The following LGALS8 variants were observed in gnomAD, a reference collection of about 807,000 sequenced individuals.
The protein encoded by LGALS8 is galectin-8.
Under a neutral mutation model 35.9 loss-of-function variants are expected in LGALS8, and 30 were observed. The observed-to-expected ratio is 0.83, with a 90% CI of 0.62 to 1.13. The LOEUF (loss-of-function observed/expected upper bound fraction) is 1.13. LGALS8 is among the 50% of genes most tolerant of loss of function. The pLI is 0.00. For missense variants in LGALS8, 366 were observed against 388.7 expected (o/e 0.94, Z 0.49); for synonymous variants, 138 against 136.1 (o/e 1.01, Z -0.10).
At position 236,551,033 on chromosome 1, in the gene LGALS8, T is replaced by C. The variant is rs538792739; in HGVS notation, c.*2872T>C. 65 of 1,426,068 alleles carry C rather than the reference T, an allele frequency of 4.6e-5. No individual in the cohort carries two copies. The highest frequency in any genetic ancestry group is 3.8e-4 in the Admixed American group (18 of 47,006). The allele number at this position is 1,426,068 out of a possible 1,614,324, so 88.3% of individuals were successfully genotyped here. A position where few individuals can be genotyped will look rare whatever the true frequency, so the allele number is the denominator to read the frequency against. On this transcript the variant is annotated 3_prime_UTR_variant, in exon 10 of 10. Transcript: ENST00000366584. ...AAATCAAAATTAAAATCTGAGTCAG[T>C]CCGCCTGCCTCGGTTCTCATTAGTT...
intron 2 of LGALS8, among the ~76,000 whole-genome samples, chr1:236,528,130 C>T (rs983855580): frequency 6.6e-6 from 1 of 152,156 alleles, no homozygotes; most frequent in Non-Finnish European, 1.5e-5. Context: ...CACCTGTAAT[C>T]CCAGCACTTT....
chr1:236,523,828 C>A, upstream of LGALS8: 1 of 344,880 alleles, frequency 2.9e-6, no homozygotes, highest in Non-Finnish European at 5.7e-6. Flanking sequence ...CGATCAGCGG[C>A]GGGTCCCTGT....
At chr1:236,532,922 A>G (rs1661231835) in intron 2 of LGALS8, among the ~76,000 whole-genome samples, 2 of 152,190 alleles carry the variant, frequency 1.3e-5, no homozygotes, top group Non-Finnish European at 2.9e-5. Context: ...TTATGTAGAC[A>G]GTTTCCTTTG....
rs1662075436 is a variant in LGALS8, at chr1:236,542,622, C to T, written c.523-139C>T. 6.1e-6 allele frequency: 5 copies of T among 820,028 alleles called. No individual in the cohort carries two copies. The South Asian group carries it at 7.2e-5, about 12-fold the overall frequency. The allele number at this position is 820,028 out of a possible 1,614,324, so 50.8% of individuals were successfully genotyped here. Reference sequence around the variant, plus strand: ...ATACCATTCCGTCATAAAGCACCAGCTGCCTGGAGGTCACACCAGAGTGGA... The same window carrying T: ...ATACCATTCCGTCATAAAGCACCAGTTGCCTGGAGGTCACACCAGAGTGGA... On this transcript the variant is annotated intron_variant, in intron 6 of 9. Coordinates refer to ENST00000366584, the MANE Select transcript of LGALS8 (RefSeq NM_201544.4).
intron 9 of LGALS8, 70 bp downstream of exon 9, chr1:236,544,985 A>C (rs879927967): frequency 8.1e-7 from 1 of 1,232,026 alleles, no homozygotes; most frequent in Admixed American, 2.1e-5. Flanking sequence ...TAAGTGGTCC[A>C]TTTAAATCAA....
intron 2 of LGALS8, among the ~76,000 whole-genome samples, chr1:236,530,283 C>T (rs1268078479): frequency 6.6e-6 from 1 of 152,170 alleles, no homozygotes; most frequent in Non-Finnish European, 1.5e-5. Context: ...TTTTACCTTA[C>T]AATTTAGTCT....
intron 2 of LGALS8, among the ~76,000 whole-genome samples, chr1:236,528,094 G>A (rs2758992): frequency 1.3e-5 from 2 of 151,848 alleles, no homozygotes; most frequent in African/African-American, 4.8e-5. Flanking sequence ...TTAGGAAAAC[G>A]GTTTTCAGCT....
chr1:236,529,083 T>G (rs1179526969), intron 2 of LGALS8, among the ~76,000 whole-genome samples: 1 of 148,864 alleles, frequency 6.7e-6, no homozygotes, highest in African/African-American at 2.5e-5. Flanking sequence ...CAAGACCAGC[T>G]TGAGCAACAT....
Position 236,543,577 on chromosome 1 carries a change from A to G in LGALS8, c.567A>G (p.Ala189=). The change falls in exon 8 of 10, where the codon GCA becomes GCG. Residue 189 remains alanine (A), a synonymous_variant. Coordinates refer to ENST00000366584, the MANE Select transcript of LGALS8 (RefSeq NM_201544.4). ...CTTTTCAGAGGCTGCCATTCGCTGC[A>G]AGGTTGAACACCCCCATGGGCCCTG... ...GTPQLRLPFA[A]RLNTPMGPGR... is the part of the protein sequence containing the mutation. The G allele has an allele frequency of 6.2e-7, 1 of 1,613,962 alleles. No homozygotes were observed. The highest frequency in any genetic ancestry group is 1.7e-4 in the Middle Eastern group (1 of 6,060).
At chr1:236,546,604 T>C (rs981862616) in intron 9 of LGALS8, among the ~76,000 whole-genome samples, 3 of 152,248 alleles carry the variant, frequency 2.0e-5, no homozygotes, top group African/African-American at 7.2e-5. Flanking sequence ...TGTTTTCTTC[T>C]AGGCAAAGGA....
At position 236,548,140 on chromosome 1, in the gene LGALS8, A is replaced by C; in HGVS notation, c.933A>C (p.Leu311Phe). 1.2e-6 allele frequency: 2 copies of C among 1,613,862 alleles called. No homozygotes were observed. The highest frequency in any genetic ancestry group is 1.7e-6 in the Non-Finnish European group (2 of 1,179,798). Residue 311 changes from leucine (L) to phenylalanine (F), a missense_variant, in exon 10 of 10, where the codon TTA (leucine) becomes TTC (phenylalanine). Transcript: ENST00000366584. ...TGGAAATTAATGGAGACATCCACTT[A>C]CTGGAAGTAAGGAGCTGGTAGCCTA... Reference protein sequence around the residue: ...DTLEINGDIHLLEVRSW With the variant: ...DTLEINGDIHFLEVRSW
intron 7 of LGALS8, 103 bp downstream of exon 7, chr1:236,542,890 T>C: frequency 6.2e-7 from 1 of 1,614,152 alleles, no homozygotes; most frequent in Non-Finnish European, 8.5e-7. Context: ...ATTCCATTCC[T>C]TACTGTAGAA....
chr1:236,522,010 C>T (rs889631296), upstream of LGALS8, among the ~76,000 whole-genome samples: 3 of 152,098 alleles, frequency 2.0e-5, no homozygotes, highest in Non-Finnish European at 2.9e-5. Context: ...TAGAAGGGCC[C>T]ATGAGGTCCT....
At chr1:236,541,242 G>A (rs998874537) in intron 5 of LGALS8, 1 of 170,276 alleles carries the variant, frequency 5.9e-6, no homozygotes, top group East Asian at 1.8e-4. Context: ...GCCTAGGTGT[G>A]TAGTTGGCAG....
At chr1:236,518,873 A>G (rs1211568850), upstream of LGALS8, among the ~76,000 whole-genome samples, 1 of 152,182 alleles carries the variant, frequency 6.6e-6, no homozygotes, top group Non-Finnish European at 1.5e-5. Flanking sequence ...TCATGTTAAC[A>G]AAAGTGACAC....
rs188971242 is a variant in LGALS8 at position 236,533,403 on chromosome 1, C to T, written c.46-4094C>T. 1.6e-3 allele frequency among the ~76,000 whole-genome samples: 245 copies of T among 151,800 alleles called. 3 individuals carry two copies. The highest frequency in any genetic ancestry group is 0.015 in the South Asian group (72 of 4,804). ...AGGCTGGAGTGCAATGGCCCGATCT[C>T]GGCTCATTGCAACCTCCGCCTCCTG... is the stretch of plus-strand genomic sequence containing the variant. On this transcript the variant is annotated intron_variant, in intron 2 of 9. Coordinates refer to ENST00000366584, the MANE Select transcript of LGALS8 (RefSeq NM_201544.4).
chr1:236,528,937 A>G (rs1437851812), intron 2 of LGALS8, among the ~76,000 whole-genome samples: 1 of 152,298 alleles, frequency 6.6e-6, no homozygotes, highest in East Asian at 1.9e-4. Context: ...TATTTAGTAT[A>G]TTTCTTTGAC....
chr1:236,545,258 A>G (rs1174098174), intron 9 of LGALS8: 2 of 163,652 alleles, frequency 1.2e-5, no homozygotes, highest in Non-Finnish European at 2.6e-5. Flanking sequence ...AGACCCTAAA[A>G]CTGCTTGCTT....
chr1:236,531,609 G>A (rs905482423), intron 2 of LGALS8, among the ~76,000 whole-genome samples: 3 of 152,166 alleles, frequency 2.0e-5, no homozygotes, highest in African/African-American at 7.2e-5. Flanking sequence ...ACAGGTGTGA[G>A]CCACCGCGCC....
Sources: allele counts gnomAD v4.1 joint callset (sites outside exome capture counted in the v4.1 genomes callset), GRCh38; gene constraint gnomAD v4.1.1; transcripts MANE v1.5; gene names NCBI Gene and HGNC (gene_info 2026-07-23, HGNC 2026-07-21).